Variants in RTN3 observed in about 807,000 individuals in gnomAD.
RTN3 encodes reticulon-3.
Under a neutral mutation model 77.8 loss-of-function variants are expected in RTN3, and 49 were observed. The observed-to-expected ratio is 0.63, with a 90% CI of 0.50 to 0.80. The LOEUF (loss-of-function observed/expected upper bound fraction) is 0.80, where lower values mean the gene tolerates loss of function less well. Ranked by LOEUF, RTN3 falls within the 30% of genes least tolerant of loss-of-function variation. The pLI is 0.00. For synonymous variants in RTN3, 464 were observed against 446.9 expected, an observed-to-expected ratio of 1.04 and a Z score of -0.48; for missense variants, 1,236 against 1,211.9, an observed-to-expected ratio of 1.02 and a Z score of -0.29.
chr11:63,756,250 A>G, intron 8 of RTN3, 80 bp downstream of exon 8: 1 of 918,840 alleles, frequency 1.1e-6, no homozygotes, highest in Non-Finnish European at 1.7e-6. Context: ...TACAAAATGC[A>G]GATGCCAAGG....
At chr11:63,690,957 C>G (rs1393423309) in intron 1 of RTN3, among the ~76,000 whole-genome samples, 1 of 152,102 alleles carries the variant, frequency 6.6e-6, no homozygotes, top group African/African-American at 2.4e-5. Flanking sequence ...GCTATCTCCA[C>G]TATCTAATTC....
intron 3 of RTN3, among the ~76,000 whole-genome samples, chr11:63,732,331 A>T (rs1287109936): frequency 6.6e-6 from 1 of 151,938 alleles, no homozygotes; most frequent in Non-Finnish European, 1.5e-5. Flanking sequence ...ACGCACTATC[A>T]TACTTTATTA....
At chr11:63,716,968 CAAAAAAAAAACAAAAAA>C (rs1327270112) in intron 2 of RTN3, among the ~76,000 whole-genome samples, 1 of 27,226 alleles carries the variant, frequency 3.7e-5, no homozygotes, top group African/African-American at 9.1e-5. Flanking sequence ...GACTCCGTCT[CAAAAAAAAAACAAAAAA>C]AAAAAAAAAA....
intron 2 of RTN3, 37 bp downstream of exon 2, chr11:63,704,944 A>G: frequency 6.7e-7 from 1 of 1,486,072 alleles, no homozygotes; most frequent in Non-Finnish European, 9.4e-7. Context: ...TTGGTAAAAG[A>G]AAAATGTTGA....
chr11:63,688,951 C>G lies in RTN3; in HGVS notation c.142+7173C>G, dbSNP rs141146403. Among the ~76,000 whole-genome samples the G allele has an allele frequency of 9.3e-4, 141 of 152,220 alleles. 1 individual carries two copies. The highest frequency in any genetic ancestry group is 3.1e-3 in the African/African-American group (130 of 41,546). ...TTGCAGAAAGACACTTCTCTTTACC[C>G]ATAATCCTAGAATTTACCATTTTTG... On this transcript the variant is annotated intron_variant, in intron 1 of 8. Transcript: ENST00000377819.
At chr11:63,711,356 G>A (rs2011155778) in intron 2 of RTN3, among the ~76,000 whole-genome samples, 1 of 151,330 alleles carries the variant, frequency 6.6e-6, no homozygotes, top group Non-Finnish European at 1.5e-5. Flanking sequence ...CTCTTGTGGG[G>A]TTTTTGGTTT....
At chr11:63,693,125 G>T (rs1490284374) in intron 1 of RTN3, among the ~76,000 whole-genome samples, 1 of 152,132 alleles carries the variant, frequency 6.6e-6, no homozygotes, top group African/African-American at 2.4e-5. Context: ...CTCATAAGAG[G>T]TGTTCAATAA....
intron 1 of RTN3, among the ~76,000 whole-genome samples, chr11:63,692,748 G>A (rs1020513510): frequency 8.6e-5 from 13 of 151,040 alleles, no homozygotes; most frequent in African/African-American, 2.9e-4. Flanking sequence ...GTGACAGAGC[G>A]AGACTCCGTC....
At position 63,700,485 on chromosome 11, in the gene RTN3, T is replaced by C. The variant is rs1055353922; in HGVS notation, c.143-4366T>C. The stretch of plus-strand genomic sequence containing the variant: ...TTTTTGTGGAGACAGGATCTCACCA[T>C]GTTGCCCAGGCTGGTCTTGAGCTCC... On this transcript the variant is annotated intron_variant, in intron 1 of 8. Coordinates refer to ENST00000377819, the MANE Select transcript of RTN3 (RefSeq NM_001265589.2). 2.0e-5 allele frequency among the ~76,000 whole-genome samples: 3 copies of C among 151,602 alleles called. No individual in the cohort carries two copies. In the East Asian group the frequency reaches 5.8e-4, roughly 29 times the overall value.
Position 63,721,012 on chromosome 11 carries a change from G to A in RTN3, c.2510G>A (p.Arg837Lys). ...TELVKKHVLARLLTDFSVHDL... is the reference protein window; with the variant it reads ...TELVKKHVLAKLLTDFSVHDL... ...TTGGTAAAAAAGCATGTCCTAGCAA[G>A]ACTTCTGACAGACTTCTCAGGTAAC... The change falls in exon 3 of 9, where the codon AGA becomes AAA. Residue 837 changes from arginine to lysine, a missense_variant. Arg to Lys is a conservative substitution (Grantham distance 26). This residue lies in a region of RTN3 where 1,056 missense variants were observed against 990.4 expected (regional missense o/e 1.07). Coordinates refer to ENST00000377819, the MANE Select transcript of RTN3 (RefSeq NM_001265589.2). The A allele has an allele frequency of 6.3e-7, 1 of 1,598,208 alleles. No individual in the cohort carries two copies. Among genetic ancestry groups the A allele is most frequent in the African/African-American group, 1.3e-5 (1 of 74,482 alleles).
chr11:63,699,344 T>C (rs971742566), intron 1 of RTN3, among the ~76,000 whole-genome samples: 1 of 151,970 alleles, frequency 6.6e-6, no homozygotes, highest in African/African-American at 2.4e-5. Context: ...TTCCCAACCA[T>C]GGCATTTCAT....
chr11:63,720,556 A>G lies in RTN3; in HGVS notation c.2054A>G (p.Lys685Arg). Residue 685 changes from lysine to arginine, a missense_variant, in exon 3 of 9, where the codon AAA becomes AGA. By Grantham distance (26) the Lys-to-Arg change is conservative. Transcript: ENST00000377819. ...KAISEKMTDF[K>R]TTPPVEVLHE... is the part of the protein sequence containing the mutation. Reference sequence around the variant, plus strand: ...ATATCAGAGAAGATGACAGACTTTAAAACAACTCCTCCTGTAGAAGTCTTA... The same window carrying G: ...ATATCAGAGAAGATGACAGACTTTAGAACAACTCCTCCTGTAGAAGTCTTA... The G allele has an allele frequency of 2.5e-6, 4 of 1,614,164 alleles. No individual in the cohort carries two copies. The highest frequency in any genetic ancestry group is 2.7e-5 in the African/African-American group (2 of 75,066).
At chr11:63,727,100 A>C (rs1231697860) in intron 3 of RTN3, among the ~76,000 whole-genome samples, 2 of 152,172 alleles carry the variant, frequency 1.3e-5, no homozygotes, top group Non-Finnish European at 2.9e-5. Flanking sequence ...TCAGGGGTGC[A>C]GATCGCACCA....
At chr11:63,733,749 G>A (rs1302445188) in intron 3 of RTN3, among the ~76,000 whole-genome samples, 1 of 151,590 alleles carries the variant, frequency 6.6e-6, no homozygotes, top group Non-Finnish European at 1.5e-5. Context: ...GGGCGTGGTG[G>A]CGGTGGTGGT....
At chr11:63,707,091 G>A (rs1942532031) in intron 2 of RTN3, among the ~76,000 whole-genome samples, 1 of 151,824 alleles carries the variant, frequency 6.6e-6, no homozygotes, top group African/African-American at 2.4e-5. Flanking sequence ...TAGAAACGGG[G>A]TTTCACCATG....
chr11:63,681,721 G>T lies in RTN3; in HGVS notation c.85G>T (p.Gly29Trp), dbSNP rs1024999648. The T allele has an allele frequency of 2.5e-6, 4 of 1,609,884 alleles. No homozygotes were observed. The highest frequency in any genetic ancestry group is 1.3e-5 in the African/African-American group (1 of 74,768). ...CGAGCCGTCCGCGCCCGGCGGCGGCGGGAGCCCAGGAGCCTGCCCCGCCCT... is the reference window on the plus strand; with the variant it reads ...CGAGCCGTCCGCGCCCGGCGGCGGCTGGAGCCCAGGAGCCTGCCCCGCCCT... ...GAEPSAPGGG[G>W]SPGACPALGT... The change falls in exon 1 of 9, where the codon GGG becomes TGG. Residue 29 changes from glycine (G) to tryptophan (W), a missense_variant. Transcript: ENST00000377819.
rs577359365 is a variant in RTN3, at chr11:63,729,689, G to A, written c.2530+8657G>A. Among the ~76,000 whole-genome samples the A allele has an allele frequency of 2.8e-4, 43 of 151,642 alleles. 1 individual carries two copies. Among genetic ancestry groups the A allele is most frequent in the Middle Eastern group, 3.4e-3 (1 of 292 alleles). On this transcript the variant is annotated intron_variant, in intron 3 of 8. Transcript: ENST00000377819. ...TGCCAACACTGGCATTGATCTCCTG[G>A]GCTCAAGTAATCCTCCCACCTTGGT... is the stretch of plus-strand genomic sequence containing the variant.
intron 3 of RTN3, among the ~76,000 whole-genome samples, chr11:63,725,617 T>A (rs1252973321): frequency 2.6e-5 from 4 of 151,996 alleles, no homozygotes; most frequent in Non-Finnish European, 5.9e-5. Context: ...CCCAGCTAAT[T>A]TTATTTTTGT....
At chr11:63,741,208 TA>T (rs201156773) in intron 3 of RTN3, among the ~76,000 whole-genome samples, 6,168 of 150,224 alleles carry the variant, frequency 0.041, 355 homozygotes, top group African/African-American at 0.12. Context: ...TTTATTTATT[TA>T]TTTATTTTTT....
Sources: gnomAD v4.1 joint callset for allele counts (sites outside exome capture counted in the v4.1 genomes callset) on GRCh38, gnomAD v4.1.1 for gene constraint, gnomAD v4.1.1 regional missense constraint, MANE v1.5 for transcripts, NCBI Gene and HGNC (gene_info 2026-07-23, HGNC 2026-07-21) for gene names.